APBB2: variants seen among roughly 807,000 people sequenced by gnomAD.
APBB2 encodes amyloid beta precursor protein binding family B member 2.
In APBB2, 38 loss-of-function variants were observed where a neutral mutation model predicts 82.5. The ratio of observed to expected loss-of-function variants is 0.46; its 90% confidence interval spans 0.36 to 0.60. APBB2 has a LOEUF of 0.60. Among genes scored for constraint, APBB2 ranks in the 20% least tolerant of loss-of-function variants. APBB2 has a pLI of 0.00. For synonymous variants in APBB2, 341 were observed against 368.2 expected (o/e 0.93, Z 0.85); for missense variants, 772 against 972.3 (o/e 0.79, Z 2.74).
chr4:41,168,618 T>C (rs1208472776), intron 1 of APBB2, among the ~76,000 whole-genome samples: 1 of 152,140 alleles, frequency 6.6e-6, no homozygotes, highest in East Asian at 1.9e-4. Context: ...TCTGCAATGG[T>C]ATAGAAATTT....
intron 3 of APBB2, among the ~76,000 whole-genome samples, chr4:41,090,995 T>A (rs1294930771): frequency 1.3e-5 from 2 of 152,192 alleles, no homozygotes; most frequent in Non-Finnish European, 2.9e-5. Flanking sequence ...CAATAGTCTG[T>A]AAGTGTGAAT....
intron 3 of APBB2, among the ~76,000 whole-genome samples, chr4:41,095,503 T>A (rs374798590): frequency 7.2e-5 from 11 of 152,362 alleles, no homozygotes; most frequent in African/African-American, 2.6e-4. Flanking sequence ...TAGCTTAGTA[T>A]GCCCACCTCC....
intron 3 of APBB2, among the ~76,000 whole-genome samples, chr4:41,070,365 G>A (rs745419256): frequency 2.0e-5 from 3 of 151,892 alleles, no homozygotes; most frequent in Non-Finnish European, 2.9e-5. Context: ...ACTGGAGTGC[G>A]GTGGTGAGAT....
chr4:40,954,052 G>A (rs534754225), intron 6 of APBB2, among the ~76,000 whole-genome samples: 9 of 152,288 alleles, frequency 5.9e-5, no homozygotes, highest in South Asian at 2.1e-4. Flanking sequence ...CACCTCAGGC[G>A]CCAGGGCTAG....
At chr4:40,914,214 CA>C (rs1178484075) in intron 10 of APBB2, among the ~76,000 whole-genome samples, 7 of 150,752 alleles carry the variant, frequency 4.6e-5, no homozygotes. Context: ...ACTAAAAATA[CA>C]AAAAAAAATT....
intron 7 of APBB2, among the ~76,000 whole-genome samples, chr4:40,939,787 C>A (rs762577841): frequency 6.6e-6 from 1 of 152,064 alleles, no homozygotes; most frequent in Non-Finnish European, 1.5e-5. Context: ...TAGAGAAAGT[C>A]CTGGGCTCAA....
chr4:41,049,505 A>G (rs1725084952), intron 4 of APBB2, among the ~76,000 whole-genome samples: 1 of 138,592 alleles, frequency 7.2e-6, no homozygotes, highest in African/African-American at 2.7e-5. Flanking sequence ...TCCGGGAGGG[A>G]GGTGGGGGCC....
intron 12 of APBB2, chr4:40,880,425 C>T: frequency 2.0e-6 from 2 of 985,446 alleles, no homozygotes; most frequent in African/African-American, 3.5e-5. Flanking sequence ...AAAGTGGTGA[C>T]TGCACCTTCC....
At chr4:40,930,475 G>A (rs1306129378) in intron 10 of APBB2, among the ~76,000 whole-genome samples, 21 of 119,046 alleles carry the variant, frequency 1.8e-4, no homozygotes, top group Admixed American at 6.3e-4. Flanking sequence ...GCGTGCGCGT[G>A]CGCGTATGCG....
chr4:41,130,637 A>C (rs1755705081), intron 2 of APBB2, among the ~76,000 whole-genome samples: 1 of 151,788 alleles, frequency 6.6e-6, no homozygotes. Context: ...TACATCTCAT[A>C]TTCTCCCCAT....
At chr4:40,886,999 T>C (rs1433671621) in intron 12 of APBB2, among the ~76,000 whole-genome samples, 1 of 152,132 alleles carries the variant, frequency 6.6e-6, no homozygotes, top group Non-Finnish European at 1.5e-5. Context: ...AGAAACACCG[T>C]AATAAAGACA....
chr4:40,898,938 G>T (rs1174539105), intron 10 of APBB2, among the ~76,000 whole-genome samples: 2 of 152,020 alleles, frequency 1.3e-5, no homozygotes, highest in African/African-American at 2.4e-5. Context: ...TAGGACCCAA[G>T]AATCTATATC....
At chr4:41,167,141 T>C (rs1035562890) in intron 1 of APBB2, among the ~76,000 whole-genome samples, 2 of 152,220 alleles carry the variant, frequency 1.3e-5, no homozygotes, top group African/African-American at 4.8e-5. Flanking sequence ...AACAGTCAAA[T>C]GGAAAGGATG....
At chr4:40,987,349 T>A (rs143837739) in intron 6 of APBB2, among the ~76,000 whole-genome samples, 1 of 152,220 alleles carries the variant, frequency 6.6e-6, no homozygotes, top group Admixed American at 6.5e-5. Flanking sequence ...GTTTTCTTTC[T>A]CAGTTTAGCA....
intron 4 of APBB2, among the ~76,000 whole-genome samples, chr4:41,037,247 T>C (rs1352571883): frequency 6.6e-6 from 1 of 152,184 alleles, no homozygotes; most frequent in African/African-American, 2.4e-5. Flanking sequence ...TCCAAGTTGA[T>C]TGCTGTGAGT....
At chr4:41,074,608 A>T (rs865922824) in intron 3 of APBB2, among the ~76,000 whole-genome samples, 4,413 of 136,578 alleles carry the variant, frequency 0.032, 125 homozygotes, top group Non-Finnish European at 0.049. Flanking sequence ...TATTATTATT[A>T]TTTTTTTTTT....
intron 2 of APBB2, among the ~76,000 whole-genome samples, chr4:41,117,729 C>T (rs529160826): frequency 3.3e-5 from 5 of 152,204 alleles, no homozygotes; most frequent in South Asian, 4.2e-4. Flanking sequence ...AATTCCTAAG[C>T]GCTAGTGTGG....
chr4:40,888,841 C>T (rs1440836738), intron 12 of APBB2, among the ~76,000 whole-genome samples: 8 of 152,292 alleles, frequency 5.3e-5, no homozygotes, highest in South Asian at 2.1e-4. Flanking sequence ...GCGTCGCACA[C>T]GTATGTAATG....
intron 10 of APBB2, among the ~76,000 whole-genome samples, chr4:40,904,395 C>A (rs1429232797): frequency 6.6e-6 from 1 of 151,860 alleles, no homozygotes; most frequent in Non-Finnish European, 1.5e-5. Flanking sequence ...GGCGCCACTG[C>A]ACTCCAGCCT....
Sources: allele counts gnomAD v4.1 joint callset (sites outside exome capture counted in the v4.1 genomes callset), GRCh38; gene constraint gnomAD v4.1.1; transcripts MANE v1.5; gene names NCBI Gene and HGNC (gene_info 2026-07-23, HGNC 2026-07-21).